ARHGEF3: variants seen among roughly 807,000 people sequenced by gnomAD.
ARHGEF3 encodes 59.8 kDA protein.
Under a neutral mutation model 63.2 loss-of-function variants are expected in ARHGEF3, and 28 were observed. The observed-to-expected ratio is 0.44, with a 90% CI of 0.33 to 0.61. The LOEUF is 0.61. ARHGEF3 is among the 20% of genes least tolerant of loss of function. The pLI is 0.03. For missense variants in ARHGEF3, 533 were observed against 659.3 expected (o/e 0.81, Z 2.10); for synonymous variants, 266 against 254.2 (o/e 1.05, Z -0.44).
chr3:56,817,826 A>G (rs1299949729), intron 4 of ARHGEF3, among the ~76,000 whole-genome samples: 2 of 152,164 alleles, frequency 1.3e-5, no homozygotes, highest in Non-Finnish European at 2.9e-5. Flanking sequence ...CCCCAAAGAT[A>G]GCGTGTCATT....
chr3:56,754,102 G>A (rs1578417904), intron 3 of ARHGEF3, among the ~76,000 whole-genome samples: 1 of 152,128 alleles, frequency 6.6e-6, no homozygotes, highest in East Asian at 1.9e-4. Context: ...AATACAACCT[G>A]GTGAAGTTAA....
At chr3:56,982,315 C>T (rs1579016382) in intron 2 of ARHGEF3, among the ~76,000 whole-genome samples, 1 of 151,388 alleles carries the variant, frequency 6.6e-6, no homozygotes, top group East Asian at 1.9e-4. Context: ...ACCAAAAGAA[C>T]TATGCTTTGT....
chr3:57,058,663 A>C (rs889205716), intron 1 of ARHGEF3, among the ~76,000 whole-genome samples: 1 of 152,170 alleles, frequency 6.6e-6, no homozygotes, highest in African/African-American at 2.4e-5. Context: ...AAAGGATTAT[A>C]AATCATGCTG....
chr3:56,759,273 G>A (rs965047167), intron 2 of ARHGEF3, among the ~76,000 whole-genome samples: 1 of 151,430 alleles, frequency 6.6e-6, no homozygotes, highest in Admixed American at 6.6e-5. Context: ...TGCCTATTGG[G>A]TTCACACCAT....
chr3:56,907,223 C>G (rs2041715110), intron 3 of ARHGEF3, among the ~76,000 whole-genome samples: 1 of 152,118 alleles, frequency 6.6e-6, no homozygotes, highest in African/African-American at 2.4e-5. Context: ...TCAGGTGATC[C>G]ACCCGCCTCA....
intron 2 of ARHGEF3, among the ~76,000 whole-genome samples, chr3:56,999,418 T>A (rs559366548): frequency 7.2e-4 from 110 of 152,322 alleles, no homozygotes; most frequent in African/African-American, 2.6e-3. Flanking sequence ...TGCCTACTCA[T>A]CAAATCAATT....
chr3:56,944,950 G>C (rs1014923159), intron 3 of ARHGEF3, among the ~76,000 whole-genome samples: 10 of 152,084 alleles, frequency 6.6e-5, no homozygotes, highest in African/African-American at 2.2e-4. Context: ...TGATAACAAA[G>C]GATTTAGGAT....
intron 2 of ARHGEF3, among the ~76,000 whole-genome samples, chr3:57,012,249 T>A (rs1702733734): frequency 6.6e-6 from 1 of 152,096 alleles, no homozygotes; most frequent in African/African-American, 2.4e-5. Flanking sequence ...AAGCCCTCTT[T>A]TGTTATTGTT....
chr3:56,767,746 A>C (rs1383658524), intron 2 of ARHGEF3, among the ~76,000 whole-genome samples: 1 of 151,302 alleles, frequency 6.6e-6, no homozygotes, highest in Non-Finnish European at 1.5e-5. Flanking sequence ...TTCAGTATTT[A>C]TTTATTTATT....
intron 2 of ARHGEF3, among the ~76,000 whole-genome samples, chr3:57,013,042 C>T (rs893147050): frequency 5.3e-5 from 8 of 152,338 alleles, no homozygotes; most frequent in African/African-American, 1.7e-4. Flanking sequence ...GATCCCCCAG[C>T]ACTGCCGGCC....
intron 4 of ARHGEF3, among the ~76,000 whole-genome samples, chr3:56,846,337 T>C (rs2039489948): frequency 6.6e-6 from 1 of 152,186 alleles, no homozygotes; most frequent in South Asian, 2.1e-4. Context: ...GAATTGGAAC[T>C]CCAGATCATG....
intron 3 of ARHGEF3, among the ~76,000 whole-genome samples, chr3:56,897,565 CTTT>C (rs111905728): frequency 6.9e-6 from 1 of 144,230 alleles, no homozygotes; most frequent in Admixed American, 7.0e-5. Flanking sequence ...CTATATGTAT[CTTT>C]TTTTTTTTTT....
intron 2 of ARHGEF3, among the ~76,000 whole-genome samples, chr3:56,962,088 A>G (rs1379259788): frequency 2.0e-5 from 3 of 152,128 alleles, no homozygotes; most frequent in Admixed American, 1.3e-4. Context: ...CTGATACCAT[A>G]ATAGCCTCCT....
intron 3 of ARHGEF3, among the ~76,000 whole-genome samples, chr3:56,905,947 C>T (rs1433273693): frequency 2.0e-5 from 3 of 152,100 alleles, no homozygotes; most frequent in Non-Finnish European, 2.9e-5. Context: ...TCACTGCAAC[C>T]TCAGCCTCCA....
chr3:56,742,284 C>G (rs980914244), intron 7 of ARHGEF3, among the ~76,000 whole-genome samples: 1 of 152,038 alleles, frequency 6.6e-6, no homozygotes, highest in African/African-American at 2.4e-5. Flanking sequence ...ACTAAACAAC[C>G]AAGTTCTCTG....
intron 1 of ARHGEF3, among the ~76,000 whole-genome samples, chr3:57,042,076 G>C (rs183923708): frequency 5.1e-4 from 77 of 152,304 alleles, no homozygotes; most frequent in African/African-American, 1.7e-3. Flanking sequence ...ACCTGGGCCA[G>C]CTTAGCATTG....
chr3:56,761,478 G>C (rs1035902089), intron 2 of ARHGEF3, among the ~76,000 whole-genome samples: 1 of 151,988 alleles, frequency 6.6e-6, no homozygotes, highest in African/African-American at 2.4e-5. Flanking sequence ...TGTATTTATA[G>C]GTTTGTTTGT....
rs2034312665 is a variant in ARHGEF3 at position 56,745,356 on chromosome 3, C to T, written c.719G>A (p.Arg240Gln). The change falls in exon 7 of 10, where the codon CGA becomes CAA. Residue 240 changes from arginine to glutamine, a missense_variant. Coordinates refer to ENST00000296315, the MANE Select transcript of ARHGEF3 (RefSeq NM_019555.3). Reference protein sequence around the residue: ...QDHRVQDFLQRCLESPFSRKL... With the variant: ...QDHRVQDFLQQCLESPFSRKL... ...GCGGCTAAAGGGGGATTCTAAACAT[C>T]GCTGTAGGAAATCCTGGACTCGGTG... 2.5e-6 allele frequency: 4 copies of T among 1,613,828 alleles called. No individual in the cohort carries two copies. Among genetic ancestry groups the T allele is most frequent in the African/African-American group, 1.3e-5 (1 of 74,824 alleles).
chr3:56,768,045 GC>G (rs1239676603), intron 2 of ARHGEF3, among the ~76,000 whole-genome samples: 2 of 151,704 alleles, frequency 1.3e-5, no homozygotes, highest in Admixed American at 1.3e-4. Context: ...ACCATGCCCA[GC>G]CCCAGCCTCA....
Sources: gnomAD v4.1 joint callset for allele counts (sites outside exome capture counted in the v4.1 genomes callset) on GRCh38, gnomAD v4.1.1 for gene constraint, MANE v1.5 for transcripts, NCBI Gene and HGNC (gene_info 2026-07-23, HGNC 2026-07-21) for gene names.